Variants in LRRC37A2 observed in about 807,000 individuals in gnomAD.
LRRC37A2 encodes the protein leucine-rich repeat-containing protein 37A2.
In LRRC37A2, 9 loss-of-function variants were observed where a neutral mutation model predicts 68.8. That is an observed-to-expected ratio of 0.13 (90% CI 0.08 to 0.23). The LOEUF (loss-of-function observed/expected upper bound fraction) is 0.23. LRRC37A2 is among the 10% of genes least tolerant of loss of function. The pLI is 1.00. For synonymous variants in LRRC37A2, 63 were observed against 367.6 expected, an observed-to-expected ratio of 0.17 and a Z score of 9.48; for missense variants, 168 against 950.4, an observed-to-expected ratio of 0.18 and a Z score of 10.82.
the LRRC37A2 span, among the ~76,000 whole-genome samples, chr17:46,712,421 T>G: frequency 6.6e-6 from 1 of 152,168 alleles, no homozygotes; most frequent in East Asian, 1.9e-4. Flanking sequence ...AGATTGGATG[T>G]GGGCAGAGGT....
the LRRC37A2 span, among the ~76,000 whole-genome samples, chr17:46,775,804 G>A: frequency 6.6e-6 from 1 of 150,652 alleles, no homozygotes; most frequent in South Asian, 2.1e-4. Context: ...TAGTAGAGAC[G>A]GGGTTTCACC....
chr17:46,951,867 C>T, the LRRC37A2 span, among the ~76,000 whole-genome samples: 4 of 152,256 alleles, frequency 2.6e-5, no homozygotes, highest in South Asian at 2.1e-4. Flanking sequence ...GCTTTTCCCT[C>T]GGGGTGTTTG....
chr17:46,906,266 C>A, the LRRC37A2 span, among the ~76,000 whole-genome samples: 1 of 152,094 alleles, frequency 6.6e-6, no homozygotes, highest in Admixed American at 6.6e-5. Context: ...GAGCATGGCT[C>A]CCTCACCTCT....
the LRRC37A2 span, chr17:46,924,296 A>G: frequency 6.4e-6 from 1 of 155,598 alleles, no homozygotes; most frequent in African/African-American, 2.4e-5. Context: ...CCAGAATTTC[A>G]TTCTGTTTTA....
chr17:46,775,599 G>T, the LRRC37A2 span, among the ~76,000 whole-genome samples: 2 of 150,262 alleles, frequency 1.3e-5, no homozygotes, highest in Non-Finnish European at 3.0e-5. Context: ...AGAAGCAGCA[G>T]CCAGAAGTTC....
At chr17:46,875,326 G>A in the LRRC37A2 span, 12 of 1,612,680 alleles carry the variant, frequency 7.4e-6, no homozygotes, top group Non-Finnish European at 9.3e-6. Flanking sequence ...AAGGACCTGC[G>A]GGCACGGGCA....
chr17:46,941,012 G>A, the LRRC37A2 span: 5 of 1,119,656 alleles, frequency 4.5e-6, no homozygotes, highest in Admixed American at 2.2e-4. Flanking sequence ...TCTAGTGGAG[G>A]CGGGGGTGAA....
At chr17:46,744,573 G>A in the LRRC37A2 span, among the ~76,000 whole-genome samples, 1 of 151,978 alleles carries the variant, frequency 6.6e-6, no homozygotes, top group Non-Finnish European at 1.5e-5. Context: ...GTTGAAATCA[G>A]CCCTTCCATT....
the LRRC37A2 span, among the ~76,000 whole-genome samples, chr17:46,982,997 C>G: frequency 1.3e-3 from 202 of 152,282 alleles, no homozygotes; most frequent in African/African-American, 4.6e-3. Context: ...GTTAGGGGAG[C>G]ATATTTGGCT....
chr17:46,828,661 ATGT>A, the LRRC37A2 span, among the ~76,000 whole-genome samples: 3 of 152,044 alleles, frequency 2.0e-5, no homozygotes, highest in African/African-American at 4.8e-5. Context: ...TGCATCCAGA[ATGT>A]AGTTCTGCCC....
chr17:46,418,215 T>TTGTGTGTTTGTG, the LRRC37A2 span, among the ~76,000 whole-genome samples: 17 of 62,628 alleles, frequency 2.7e-4, no homozygotes, highest in Non-Finnish European at 4.2e-4. Flanking sequence ...GTGTGTGTGT[T>TTGTGTGTTTGTG]TGTGTGTGTG....
the LRRC37A2 span, among the ~76,000 whole-genome samples, chr17:46,405,611 A>G: frequency 1.5e-4 from 8 of 51,886 alleles, no homozygotes; most frequent in Non-Finnish European, 3.0e-4. Flanking sequence ...GGTGGCGGGC[A>G]CCTGTAGTCC....
At chr17:46,929,827 G>T in the LRRC37A2 span, 1 of 500,192 alleles carries the variant, frequency 2.0e-6, no homozygotes, top group Non-Finnish European at 3.6e-6. Context: ...CTATGGGAAT[G>T]GAAGCGCTTG....
the LRRC37A2 span, chr17:46,818,641 G>C: frequency 3.3e-6 from 5 of 1,535,614 alleles, no homozygotes; most frequent in Admixed American, 3.8e-5. Flanking sequence ...ACCATGAAGA[G>C]GGGGAGCGAC....
chr17:46,713,831 A>C, the LRRC37A2 span: 1 of 1,602,834 alleles, frequency 6.2e-7, no homozygotes, highest in African/African-American at 1.3e-5. Flanking sequence ...TTTTCCCCTG[A>C]CTTGCTCATA....
chr17:46,826,288 T>C, the LRRC37A2 span, among the ~76,000 whole-genome samples: 7 of 152,192 alleles, frequency 4.6e-5, no homozygotes. Context: ...GGGCCCTGAG[T>C]CCTGGGAGCC....
chr17:46,490,644 A>G, the LRRC37A2 span, among the ~76,000 whole-genome samples: 1 of 149,646 alleles, frequency 6.7e-6, no homozygotes, highest in Non-Finnish European at 1.5e-5. Flanking sequence ...GAATCGCTTA[A>G]ACTCAGGAGG....
At chr17:46,919,062 A>ATAGATGT in the LRRC37A2 span, among the ~76,000 whole-genome samples, 1 of 152,190 alleles carries the variant, frequency 6.6e-6, no homozygotes, top group Non-Finnish European at 1.5e-5. Context: ...AATTATCTGT[A>ATAGATGT]TAGATGTTTA....
At chr17:46,766,332 C>T in the LRRC37A2 span, among the ~76,000 whole-genome samples, 1 of 151,928 alleles carries the variant, frequency 6.6e-6, no homozygotes, top group East Asian at 1.9e-4. Context: ...CGCTTGAACC[C>T]AGGTGGCGGA....
Sources: gnomAD v4.1 joint callset for allele counts (sites outside exome capture counted in the v4.1 genomes callset) on GRCh38, gnomAD v4.1.1 for gene constraint, MANE v1.5 for transcripts, NCBI Gene and HGNC (gene_info 2026-07-23, HGNC 2026-07-21) for gene names.